The following PDSS2 variants were observed in gnomAD, a reference collection of about 807,000 sequenced individuals.
PDSS2 encodes the protein all trans-polyprenyl-diphosphate synthase PDSS2.
In PDSS2, 31 loss-of-function variants were observed where a neutral mutation model predicts 44.5. The ratio of observed to expected loss-of-function variants is 0.70; its 90% CI spans 0.52 to 0.94. The LOEUF is 0.94. Ranked by LOEUF, PDSS2 falls within the 40% of genes least tolerant of loss-of-function variation. The pLI, the probability that PDSS2 is intolerant of heterozygous loss-of-function variation, is 0.00. For synonymous variants in PDSS2, 157 were observed against 180.3 expected (o/e 0.87, Z 1.03); for missense variants, 452 against 482.2 (o/e 0.94, Z 0.59).
At chr6:107,262,227 C>T (rs533366913) in intron 3 of PDSS2, among the ~76,000 whole-genome samples, 19 of 151,964 alleles carry the variant, frequency 1.3e-4, no homozygotes, top group African/African-American at 4.3e-4. Flanking sequence ...ATTTCTTTAT[C>T]GCAATGCAAG....
chr6:107,411,425 G>A (rs1428927278), intron 1 of PDSS2, among the ~76,000 whole-genome samples: 1 of 152,184 alleles, frequency 6.6e-6, no homozygotes, highest in Non-Finnish European at 1.5e-5. Context: ...AATGTGACAG[G>A]TAGAAAACTG....
intron 4 of PDSS2, among the ~76,000 whole-genome samples, chr6:107,243,974 C>A (rs1207926011): frequency 6.6e-6 from 1 of 152,008 alleles, no homozygotes; most frequent in East Asian, 1.9e-4. Flanking sequence ...ACTAAAAATA[C>A]AAAATTAGCC....
intron 1 of PDSS2, among the ~76,000 whole-genome samples, chr6:107,337,509 G>C (rs186001971): frequency 1.3e-5 from 2 of 152,274 alleles, no homozygotes; most frequent in Admixed American, 6.5e-5. Flanking sequence ...CTAAGGCTAT[G>C]ACCTCTTGTA....
intron 2 of PDSS2, among the ~76,000 whole-genome samples, chr6:107,295,018 C>T (rs1211639661): frequency 6.6e-6 from 1 of 152,068 alleles, no homozygotes; most frequent in Non-Finnish European, 1.5e-5. Context: ...CAACCTCTGC[C>T]CCACTGGGGT....
At chr6:107,400,491 T>C (rs1460730333) in intron 1 of PDSS2, among the ~76,000 whole-genome samples, 1 of 152,124 alleles carries the variant, frequency 6.6e-6, no homozygotes, top group East Asian at 1.9e-4. Flanking sequence ...GCAGTTTTTG[T>C]CCTGGGAGTT....
At chr6:107,320,656 T>C (rs752683907) in intron 2 of PDSS2, among the ~76,000 whole-genome samples, 7 of 152,164 alleles carry the variant, frequency 4.6e-5, no homozygotes, top group Admixed American at 1.3e-4. Context: ...GTAATAGAGA[T>C]AATGGCCTGC....
At chr6:107,180,632 C>T (rs1367519323) in intron 7 of PDSS2, among the ~76,000 whole-genome samples, 1 of 152,076 alleles carries the variant, frequency 6.6e-6, no homozygotes. Flanking sequence ...ACTCAAGACA[C>T]CATTCCATGC....
intron 7 of PDSS2, among the ~76,000 whole-genome samples, chr6:107,178,205 CAG>C (rs1370051581): frequency 6.6e-6 from 1 of 152,278 alleles, no homozygotes; most frequent in Admixed American, 6.5e-5. Context: ...CCTCAAACGA[CAG>C]AGAAATTCTA....
intron 7 of PDSS2, among the ~76,000 whole-genome samples, chr6:107,167,492 A>T (rs1771396438): frequency 6.6e-6 from 1 of 151,854 alleles, no homozygotes; most frequent in African/African-American, 2.4e-5. Context: ...TTCTGCTCTG[A>T]TCTTAGTTAT....
chr6:107,265,667 T>G (rs1222431906), intron 3 of PDSS2, among the ~76,000 whole-genome samples: 1 of 152,150 alleles, frequency 6.6e-6, no homozygotes, highest in Non-Finnish European at 1.5e-5. Flanking sequence ...CTTGGCCAGG[T>G]GCGGTGGCTC....
intron 1 of PDSS2, among the ~76,000 whole-genome samples, chr6:107,382,680 A>C (rs1221650681): frequency 6.6e-6 from 1 of 152,068 alleles, no homozygotes. Context: ...TCTACAAAAA[A>C]TAAAAAATTA....
At chr6:107,312,273 CT>C (rs1230980156) in intron 2 of PDSS2, among the ~76,000 whole-genome samples, 2 of 152,332 alleles carry the variant, frequency 1.3e-5, no homozygotes, top group East Asian at 1.9e-4. Flanking sequence ...CTTGCTACCC[CT>C]GATGGCTATG....
intron 1 of PDSS2, among the ~76,000 whole-genome samples, chr6:107,370,487 T>C (rs1434221709): frequency 6.6e-6 from 1 of 152,250 alleles, no homozygotes; most frequent in Non-Finnish European, 1.5e-5. Context: ...TTCCATTGTA[T>C]TCAATAACAT....
At chr6:107,442,434 A>AG (rs1781538071) in intron 1 of PDSS2, among the ~76,000 whole-genome samples, 1 of 143,976 alleles carries the variant, frequency 6.9e-6, no homozygotes, top group East Asian at 1.9e-4. Context: ...AAACAAAAAA[A>AG]CAAAAAACAA....
At chr6:107,458,472 C>G (rs1296758930) in intron 1 of PDSS2, among the ~76,000 whole-genome samples, 2 of 137,690 alleles carry the variant, frequency 1.5e-5, no homozygotes, top group African/African-American at 2.8e-5. Flanking sequence ...AGCAGTAGTA[C>G]AGCATAAGTG....
intron 1 of PDSS2, among the ~76,000 whole-genome samples, chr6:107,346,311 T>A (rs554473939): frequency 2.6e-5 from 4 of 152,316 alleles, no homozygotes; most frequent in African/African-American, 9.6e-5. Context: ...TCATTTACCA[T>A]GGTATCCTCA....
intron 7 of PDSS2, among the ~76,000 whole-genome samples, chr6:107,183,822 G>A (rs1435908571): frequency 2.0e-5 from 3 of 152,054 alleles, no homozygotes; most frequent in Non-Finnish European, 2.9e-5. Context: ...TTGAACCCGG[G>A]AAGTGGAGGT....
chr6:107,163,109 G>A (rs2114303941), intron 7 of PDSS2, among the ~76,000 whole-genome samples: 1 of 152,256 alleles, frequency 6.6e-6, no homozygotes, highest in South Asian at 2.1e-4. Context: ...ACTCCAGAAT[G>A]TTTTACATTC....
intron 4 of PDSS2, among the ~76,000 whole-genome samples, chr6:107,243,432 T>A (rs1177318150): frequency 6.6e-6 from 1 of 152,244 alleles, no homozygotes; most frequent in Non-Finnish European, 1.5e-5. Context: ...ATTAATGAAC[T>A]GAGCTTATTA....
Sources: allele counts gnomAD v4.1 joint callset (sites outside exome capture counted in the v4.1 genomes callset), GRCh38; gene constraint gnomAD v4.1.1; transcripts MANE v1.5; gene names NCBI Gene and HGNC (gene_info 2026-07-23, HGNC 2026-07-21).